The following SLC7A2 variants were observed in gnomAD, a reference collection of about 807,000 sequenced individuals.
SLC7A2 encodes the protein cationic amino acid transporter 2.
SLC7A2 carries 48 observed loss-of-function variants against 58.9 expected under a neutral mutation model. That is an observed-to-expected ratio of 0.82 (90% CI 0.65 to 1.04). The LOEUF is 1.04. SLC7A2 is among the 50% of genes least tolerant of loss of function. SLC7A2 has a pLI of 0.00. For synonymous variants in SLC7A2, 363 were observed against 314.5 expected, an observed-to-expected ratio of 1.15 and a Z score of -1.63; for missense variants, 1,029 against 818.8, an observed-to-expected ratio of 1.26 and a Z score of -3.13.
At chr8:17,536,586 ATTTT>A (rs1024502393) in intron 2 of SLC7A2, among the ~76,000 whole-genome samples, 6 of 152,092 alleles carry the variant, frequency 3.9e-5, no homozygotes, top group Non-Finnish European at 8.8e-5. Context: ...ATGTCAAGCT[ATTTT>A]TTTCAAGGAG....
chr8:17,512,766 C>G (rs1490194651), intron 2 of SLC7A2, among the ~76,000 whole-genome samples: 1 of 152,170 alleles, frequency 6.6e-6, no homozygotes, highest in African/African-American at 2.4e-5. Flanking sequence ...AACTGAAACT[C>G]TGTACCGTTT....
intron 2 of SLC7A2, among the ~76,000 whole-genome samples, chr8:17,534,619 A>G (rs552778191): frequency 6.7e-6 from 1 of 148,968 alleles, no homozygotes; most frequent in African/African-American, 2.5e-5. Flanking sequence ...TTTTAGCTGT[A>G]TTCTTGAGGC....
rs551110266 is a variant in SLC7A2, at chr8:17,513,005, G to A, written c.-23+10703G>A. ...AAGGCTGAATAATAGTCCATTGTATGTATAAAGCACATTTTATTAGTCCAT... is the reference window on the plus strand; with the variant it reads ...AAGGCTGAATAATAGTCCATTGTATATATAAAGCACATTTTATTAGTCCAT... On this transcript the variant is annotated intron_variant, in intron 2 of 12. Coordinates refer to ENST00000494857, the MANE Select transcript of SLC7A2 (RefSeq NM_001370338.1). 6.6e-5 allele frequency among the ~76,000 whole-genome samples: 10 copies of A among 152,324 alleles called. No individual in the cohort carries two copies. In the South Asian group the frequency reaches 2.1e-3, roughly 32 times the overall value.
At chr8:17,519,825 G>A (rs1248939721) in intron 2 of SLC7A2, among the ~76,000 whole-genome samples, 1 of 135,852 alleles carries the variant, frequency 7.4e-6, no homozygotes, top group African/African-American at 2.8e-5. Context: ...ACTTCTGATT[G>A]CCTAAAATAT....
intron 5 of SLC7A2, among the ~76,000 whole-genome samples, chr8:17,549,590 A>G (rs370322456): frequency 6.6e-6 from 1 of 152,192 alleles, no homozygotes; most frequent in East Asian, 1.9e-4. Flanking sequence ...CAGGACCACC[A>G]TTCAGTTTTA....
chr8:17,526,250 G>A (rs770037718), intron 2 of SLC7A2, among the ~76,000 whole-genome samples: 1 of 152,104 alleles, frequency 6.6e-6, no homozygotes, highest in Non-Finnish European at 1.5e-5. Flanking sequence ...AAAGGTGGAA[G>A]AATAAAGTAA....
chr8:17,563,572 GTA>G (rs1803121869), intron 11 of SLC7A2, 29 bp from the exon 12 acceptor site: 2 of 1,311,170 alleles, frequency 1.5e-6, no homozygotes, highest in African/African-American at 2.9e-5. Context: ...CAAAATATGA[GTA>G]TGTTCAAAAG....
chr8:17,515,625 G>C (rs1800775883), intron 2 of SLC7A2, among the ~76,000 whole-genome samples: 1 of 152,122 alleles, frequency 6.6e-6, no homozygotes, highest in South Asian at 2.1e-4. Context: ...TGGGGATGTT[G>C]AGTGGGGTGG....
At chr8:17,507,224 C>T (rs768942205) in intron 2 of SLC7A2, among the ~76,000 whole-genome samples, 22 of 152,108 alleles carry the variant, frequency 1.4e-4, no homozygotes, top group Non-Finnish European at 2.4e-4. Flanking sequence ...CGATTACAGG[C>T]GTGAGCCACT....
chr8:17,528,372 A>G (rs1801304097), intron 2 of SLC7A2, among the ~76,000 whole-genome samples: 1 of 151,996 alleles, frequency 6.6e-6, no homozygotes, highest in Admixed American at 6.6e-5. Flanking sequence ...CGGTGTGGCC[A>G]TTACGCTTTT....
intron 6 of SLC7A2, 124 bp from the exon 7 acceptor site, chr8:17,551,640 A>G (rs1335833715): frequency 6.9e-6 from 5 of 724,268 alleles, no homozygotes; most frequent in Admixed American, 4.7e-5. Flanking sequence ...ATGGACCAAG[A>G]TAAGAAAAGG....
upstream of SLC7A2, among the ~76,000 whole-genome samples, chr8:17,494,814 G>A (rs1799918553): frequency 6.6e-6 from 1 of 152,212 alleles, no homozygotes. Context: ...AGTGTGTAAA[G>A]ATATTCAGCA....
intron 1 of SLC7A2, chr8:17,498,915 C>G (rs541534970): frequency 2.0e-5 from 3 of 152,336 alleles, no homozygotes; most frequent in Admixed American, 6.5e-5. Context: ...GTTTAAAAAG[C>G]CTGATCTTGC....
rs76454943 is a variant in SLC7A2 at position 17,550,159 on chromosome 8, G to T, written c.699-142G>T. 7.0e-3 allele frequency: 5,082 copies of T among 731,058 alleles called. 196 individuals are homozygous for T. In the African/African-American group the frequency reaches 0.082, roughly 12 times the overall value. 45.3% of individuals were successfully genotyped at this position (731,058 alleles called of 1,614,324 possible). A position where few individuals can be genotyped will look rare whatever the true frequency, so the allele number is the denominator to read the frequency against. On this transcript the variant is annotated intron_variant, in intron 5 of 12. Transcript: ENST00000494857. ...CCACATTCTGTAGCACAGGGTGAGA[G>T]AGTAAAGTTTTAATTTTATGTATAT...
At chr8:17,503,363 T>A (rs142251975) in intron 2 of SLC7A2, among the ~76,000 whole-genome samples, 6 of 152,140 alleles carry the variant, frequency 3.9e-5, no homozygotes, top group Non-Finnish European at 7.3e-5. Context: ...AACATCTTTA[T>A]TGAAAAAAAT....
At chr8:17,516,835 A>T (rs932013654) in intron 2 of SLC7A2, among the ~76,000 whole-genome samples, 3 of 152,202 alleles carry the variant, frequency 2.0e-5, no homozygotes, top group Middle Eastern at 3.2e-3. Context: ...TGATTCAGGA[A>T]ATATTTGAGT....
At chr8:17,526,389 C>G (rs1182751622) in intron 2 of SLC7A2, among the ~76,000 whole-genome samples, 1 of 152,152 alleles carries the variant, frequency 6.6e-6, no homozygotes, top group Admixed American at 6.6e-5. Flanking sequence ...TCCTAAATCT[C>G]TATTTTGCTT....
chr8:17,528,212 G>C (rs1290585163), intron 2 of SLC7A2, among the ~76,000 whole-genome samples: 1 of 152,122 alleles, frequency 6.6e-6, no homozygotes, highest in East Asian at 1.9e-4. Flanking sequence ...ACACTGTCGA[G>C]GTGGTTTTTA....
rs551790149 is a variant in SLC7A2 at position 17,530,552 on chromosome 8, G to T, written c.-22-12766G>T. ...AAGTTAGTTGGCAGAAGGCAGATTAGGTACAAGTGTGAGTAAATAGATTTT... is the reference window on the plus strand; with the variant it reads ...AAGTTAGTTGGCAGAAGGCAGATTATGTACAAGTGTGAGTAAATAGATTTT... On this transcript the variant is annotated intron_variant, in intron 2 of 12. Coordinates refer to ENST00000494857, the MANE Select transcript of SLC7A2 (RefSeq NM_001370338.1). Among the ~76,000 whole-genome samples, 4 of 149,890 alleles carry T rather than the reference G, an allele frequency of 2.7e-5. No individual in the cohort carries two copies. The South Asian group carries it at 8.5e-4, about 32-fold the overall frequency.
Sources: gnomAD v4.1 joint callset for allele counts (sites outside exome capture counted in the v4.1 genomes callset) on GRCh38, gnomAD v4.1.1 for gene constraint, MANE v1.5 for transcripts, NCBI Gene and HGNC (gene_info 2026-07-23, HGNC 2026-07-21) for gene names.